Variants in BLTP3B observed in about 807,000 individuals in gnomAD.
The protein encoded by BLTP3B is bridge-like lipid transfer protein family member 3B.
At chr12:100,126,601 A>G in the BLTP3B span, among the ~76,000 whole-genome samples, 1 of 151,736 alleles carries the variant, frequency 6.6e-6, no homozygotes, top group Non-Finnish European at 1.5e-5. Flanking sequence ...CTACTGTTAT[A>G]AACAAAATTT....
At chr12:100,065,995 G>A in the BLTP3B span, among the ~76,000 whole-genome samples, 2 of 152,108 alleles carry the variant, frequency 1.3e-5, no homozygotes, top group Non-Finnish European at 2.9e-5. Context: ...CGGCCCAGCT[G>A]TAAAATTCCT....
chr12:100,132,288 A>AG, the BLTP3B span, among the ~76,000 whole-genome samples: 2 of 152,332 alleles, frequency 1.3e-5, no homozygotes, highest in South Asian at 4.1e-4. Flanking sequence ...CTAGAGTCTC[A>AG]ATATGGTTTA....
chr12:100,060,064 T>C, the BLTP3B span: 1 of 1,531,274 alleles, frequency 6.5e-7, no homozygotes, highest in Non-Finnish European at 8.7e-7. Context: ...AAGATGTTTT[T>C]TAAAAATTTT....
chr12:100,130,924 A>ACATACATACATACATG, the BLTP3B span, among the ~76,000 whole-genome samples: 3 of 132,754 alleles, frequency 2.3e-5, no homozygotes, highest in African/African-American at 1.1e-4. Flanking sequence ...TCAAAAAAAT[A>ACATACATACATACATG]CATACATACA....
At chr12:100,097,390 TTTGA>T in the BLTP3B span, 1 of 1,612,362 alleles carries the variant, frequency 6.2e-7, no homozygotes, top group Non-Finnish European at 8.5e-7. Context: ...GACTCTGATT[TTTGA>T]TTGGTTGGTT....
At chr12:100,059,599 A>G in the BLTP3B span, 5 of 1,466,064 alleles carry the variant, frequency 3.4e-6, no homozygotes, top group Admixed American at 5.1e-5. Context: ...ATAAAAGAAC[A>G]TGACTTAGCT....
the BLTP3B span, among the ~76,000 whole-genome samples, chr12:100,123,563 TCA>T: frequency 2.6e-5 from 4 of 152,170 alleles, no homozygotes; most frequent in East Asian, 5.8e-4. Context: ...GGCTGAGGGC[TCA>T]GTCCCAAGAC....
At chr12:100,098,999 AT>A in the BLTP3B span, among the ~76,000 whole-genome samples, 24 of 148,316 alleles carry the variant, frequency 1.6e-4, no homozygotes, top group Middle Eastern at 6.8e-3. Context: ...CCATTTTATT[AT>A]TTTTTTTTTC....
chr12:100,037,320 A>G, the BLTP3B span: 1 of 1,019,560 alleles, frequency 9.8e-7, no homozygotes, highest in Non-Finnish European at 1.2e-6. Flanking sequence ...AAATGCCGAA[A>G]ATGAGATATC....
the BLTP3B span, among the ~76,000 whole-genome samples, chr12:100,052,405 A>C: frequency 1.3e-5 from 2 of 152,132 alleles, no homozygotes; most frequent in African/African-American, 4.8e-5. Context: ...GAGCAAAAAG[A>C]CACTCTGAAA....
At chr12:100,075,909 C>T in the BLTP3B span, among the ~76,000 whole-genome samples, 13 of 151,950 alleles carry the variant, frequency 8.6e-5, no homozygotes, top group South Asian at 2.1e-4. Flanking sequence ...ATGTTGGGTA[C>T]GCATGGAGAC....
the BLTP3B span, among the ~76,000 whole-genome samples, chr12:100,104,960 A>G: frequency 6.6e-6 from 1 of 151,990 alleles, no homozygotes; most frequent in Admixed American, 6.6e-5. Flanking sequence ...CCACATGGAG[A>G]ACTACAAAAC....
chr12:100,062,879 T>C, the BLTP3B span, among the ~76,000 whole-genome samples: 1 of 151,662 alleles, frequency 6.6e-6, no homozygotes, highest in Non-Finnish European at 1.5e-5. Flanking sequence ...GAAGGTCACT[T>C]GAGTCCAGGA....
the BLTP3B span, among the ~76,000 whole-genome samples, chr12:100,100,327 A>C: frequency 0.01 from 1,562 of 150,750 alleles, 36 homozygotes; most frequent in African/African-American, 0.036. Flanking sequence ...TAAAAAAATA[A>C]TTTTTTAAAA....
the BLTP3B span, chr12:100,039,610 A>G: frequency 6.2e-7 from 1 of 1,613,108 alleles, no homozygotes; most frequent in Middle Eastern, 1.7e-4. Context: ...TCCCTAGTGA[A>G]GTCAAAGGAG....
the BLTP3B span, among the ~76,000 whole-genome samples, chr12:100,125,110 T>C: frequency 6.7e-6 from 1 of 148,716 alleles, no homozygotes; most frequent in African/African-American, 2.5e-5. Context: ...GATGGGCGGA[T>C]CATCCGAGGT....
At chr12:100,117,032 A>G in the BLTP3B span, among the ~76,000 whole-genome samples, 1 of 152,216 alleles carries the variant, frequency 6.6e-6, no homozygotes, top group Non-Finnish European at 1.5e-5. Context: ...CAAACTATAA[A>G]ACAAAAATAC....
At chr12:100,040,233 A>G in the BLTP3B span, among the ~76,000 whole-genome samples, 1 of 152,350 alleles carries the variant, frequency 6.6e-6, no homozygotes, top group Non-Finnish European at 1.5e-5. Flanking sequence ...CAGTATGTCA[A>G]TAATTAGATA....
chr12:100,104,204 C>CTTT, the BLTP3B span, among the ~76,000 whole-genome samples: 20 of 131,636 alleles, frequency 1.5e-4, no homozygotes, highest in Admixed American at 7.7e-4. Context: ...TTCTTTTTTT[C>CTTT]TTTTTTTTTT....
Sources: gnomAD v4.1 joint callset for allele counts (sites outside exome capture counted in the v4.1 genomes callset) on GRCh38, gnomAD v4.1.1 for gene constraint, MANE v1.5 for transcripts, NCBI Gene and HGNC (gene_info 2026-07-23, HGNC 2026-07-21) for gene names.